The following GRIN2A variants were observed in gnomAD, a reference collection of about 807,000 sequenced individuals.
GRIN2A encodes glutamate ionotropic receptor NMDA type subunit 2A, also known as glutamate receptor ionotropic, NMDA 2A.
GRIN2A carries 22 observed loss-of-function variants against 113.4 expected under a neutral mutation model. The ratio of observed to expected loss-of-function variants is 0.19; its 90% CI spans 0.14 to 0.28. The LOEUF (loss-of-function observed/expected upper bound fraction) is 0.28, where lower values mean the gene tolerates loss of function less well. GRIN2A is among the 10% of genes least tolerant of loss of function. The pLI, the probability that GRIN2A is intolerant of heterozygous loss-of-function variation, is 1.00. For missense variants in GRIN2A, 1,502 were observed against 1,887.0 expected, an observed-to-expected ratio of 0.80 and a Z score of 3.78; for synonymous variants, 827 against 738.4, an observed-to-expected ratio of 1.12 and a Z score of -1.94.
chr16:9,964,455 C>G (rs2045510913), intron 2 of GRIN2A, among the ~76,000 whole-genome samples: 1 of 152,208 alleles, frequency 6.6e-6, no homozygotes, highest in Admixed American at 6.5e-5. Flanking sequence ...TTACCATCAA[C>G]TTGGCGGGGG....
At chr16:9,970,470 T>G (rs2045648480) in intron 2 of GRIN2A, among the ~76,000 whole-genome samples, 2 of 152,098 alleles carry the variant, frequency 1.3e-5, no homozygotes. Flanking sequence ...TGAAAGAAAG[T>G]GCTTTTGAGA....
chr16:9,971,649 T>G (rs2045671238), intron 2 of GRIN2A, among the ~76,000 whole-genome samples: 3 of 152,190 alleles, frequency 2.0e-5, no homozygotes, highest in South Asian at 4.1e-4. Flanking sequence ...CAGTCTAACT[T>G]TACCATAAAA....
chr16:9,890,686 G>A (rs2043675381), intron 4 of GRIN2A, among the ~76,000 whole-genome samples: 1 of 152,200 alleles, frequency 6.6e-6, no homozygotes, highest in Non-Finnish European at 1.5e-5. Context: ...ACTTATTAGT[G>A]TAATGCTGCA....
intron 3 of GRIN2A, among the ~76,000 whole-genome samples, chr16:9,909,260 G>T (rs969472733): frequency 8.5e-5 from 13 of 152,166 alleles, no homozygotes; most frequent in African/African-American, 2.7e-4. Context: ...CCGCCCCTAT[G>T]ATTCAATTAC....
chr16:9,899,068 A>G (rs539513390), intron 3 of GRIN2A, among the ~76,000 whole-genome samples: 1 of 152,098 alleles, frequency 6.6e-6, no homozygotes, highest in African/African-American at 2.4e-5. Flanking sequence ...TCAATTTCAT[A>G]TACAGTACTC....
At chr16:9,922,765 T>A (rs1243892493) in intron 3 of GRIN2A, among the ~76,000 whole-genome samples, 1 of 152,160 alleles carries the variant, frequency 6.6e-6, no homozygotes, top group Non-Finnish European at 1.5e-5. Context: ...TATTTAGAAG[T>A]TTGTTATTTA....
intron 3 of GRIN2A, among the ~76,000 whole-genome samples, chr16:9,908,659 T>C (rs2044073816): frequency 6.6e-6 from 1 of 152,206 alleles, no homozygotes; most frequent in African/African-American, 2.4e-5. Context: ...GCTGTTTTCT[T>C]ACACTTGATA....
intron 3 of GRIN2A, among the ~76,000 whole-genome samples, chr16:9,929,064 C>G (rs909924505): frequency 2.6e-5 from 4 of 152,234 alleles, no homozygotes; most frequent in Admixed American, 6.5e-5. Context: ...GTAACTCTTT[C>G]TCTCCAACAT....
In GRIN2A at chr16:9,829,615, T is replaced by C. The variant is rs986690961; in HGVS notation, c.1815A>G (p.Ile605Met). Residue 605 changes from isoleucine (I) to methionine (M), a missense_variant, in exon 9 of 13, where the codon ATA becomes ATG. Transcript: ENST00000330684. ...HGPSFTIGKA[I>M]WLLWGLVFNN... ...TGAACACCAGGCCCCAAAGAAGCCATATAGCTTTTCCAATTGTAAAAGAAG... is the reference window on the plus strand; with the variant it reads ...TGAACACCAGGCCCCAAAGAAGCCACATAGCTTTTCCAATTGTAAAAGAAG... 6 of 1,613,776 alleles carry C rather than the reference T, an allele frequency of 3.7e-6. No individual in the cohort carries two copies. Among genetic ancestry groups the C allele is most frequent in the Non-Finnish European group, 5.1e-6 (6 of 1,179,860 alleles).
In GRIN2A at chr16:9,759,665, C is replaced by T. The variant is rs1156282309; in HGVS notation, c.*3484G>A. On this transcript the variant is annotated 3_prime_UTR_variant, in exon 13 of 13. Coordinates refer to ENST00000330684, the MANE Select transcript of GRIN2A (RefSeq NM_001134407.3). ...AGGGAAGAGAAAATCAAGAGTAATCCGTGGATGCCCAGTCATGGTGCTGGC... is the reference window on the plus strand; with the variant it reads ...AGGGAAGAGAAAATCAAGAGTAATCTGTGGATGCCCAGTCATGGTGCTGGC... The T allele has an allele frequency of 2.2e-5, 5 of 229,862 alleles. No individual in the cohort carries two copies. Among genetic ancestry groups the T allele is most frequent in the Admixed American group, 5.7e-5 (1 of 17,668 alleles). 14.2% of individuals were successfully genotyped at this position (229,862 alleles called of 1,614,324 possible). A position where few individuals can be genotyped will look rare whatever the true frequency, so the allele number is the denominator to read the frequency against.
rs751221611 is a variant in GRIN2A, at chr16:9,763,527, T to C, written c.4017A>G (p.Lys1339=). 3.7e-6 allele frequency: 6 copies of C among 1,614,094 alleles called. No homozygotes were observed. The East Asian group carries it at 1.3e-4, about 36-fold the overall frequency. The change falls in exon 13 of 13, where the codon AAA becomes AAG. Residue 1339 remains lysine, a synonymous_variant. Transcript: ENST00000330684. ...GACCTTGGGGGAAAAGGGAGCTTTT[T>C]TTCCCCGAGAGTTTGCTTGAGGGGA... ...FSVPSSKLSG[K]KSSLFPQGLE...
chr16:9,870,151 C>T (rs1350554350), intron 4 of GRIN2A, among the ~76,000 whole-genome samples: 1 of 152,178 alleles, frequency 6.6e-6, no homozygotes, highest in East Asian at 1.9e-4. Flanking sequence ...TGCCAAAAGC[C>T]ACTTGGTGTT....
chr16:10,026,030 C>T (rs1344894729), intron 2 of GRIN2A, among the ~76,000 whole-genome samples: 2 of 152,198 alleles, frequency 1.3e-5, no homozygotes, highest in African/African-American at 2.4e-5. Flanking sequence ...CTGGCTACAT[C>T]ATCACTGTTC....
rs35352418 is a variant in GRIN2A at position 9,910,537 on chromosome 16, C to CTTTTTTT, written c.1008-19444_1008-19438dup. Among the ~76,000 whole-genome samples the CTTTTTTT allele has an allele frequency of 2.3e-4, 28 of 123,282 alleles. 2 individuals carry two copies. The highest frequency in any genetic ancestry group is 6.5e-4 in the African/African-American group (21 of 32,332). 80.9% of individuals were successfully genotyped at this position (123,282 alleles called of 152,430 possible). A position where few individuals can be genotyped will look rare whatever the true frequency, so the allele number is the denominator to read the frequency against. On this transcript the variant is annotated intron_variant, in intron 3 of 12. Coordinates refer to ENST00000330684, the MANE Select transcript of GRIN2A (RefSeq NM_001134407.3). ...GAGTCTCATATGAAGTCTCAGAGTT[C>CTTTTTTT]TTTTTTTTTTTTTTTTTTTTGAGAC... is the stretch of plus-strand genomic sequence containing the variant.
intron 11 of GRIN2A, among the ~76,000 whole-genome samples, chr16:9,781,858 T>C (rs1478754791): frequency 6.6e-6 from 1 of 152,160 alleles, no homozygotes; most frequent in Non-Finnish European, 1.5e-5. Context: ...TGGAAAATAA[T>C]GTAATGGTTT....
At chr16:9,836,751 G>C (rs976415005) in intron 7 of GRIN2A, among the ~76,000 whole-genome samples, 6 of 152,224 alleles carry the variant, frequency 3.9e-5, no homozygotes, top group African/African-American at 1.2e-4. Context: ...CATCGTTAAA[G>C]CAACATCTAT....
intron 3 of GRIN2A, among the ~76,000 whole-genome samples, chr16:9,930,461 A>G (rs1488072788): frequency 6.6e-6 from 1 of 152,166 alleles, no homozygotes; most frequent in Non-Finnish European, 1.5e-5. Context: ...GTTCCTCTGG[A>G]TTCTCTCACC....
At chr16:10,016,230 T>C (rs1455375910) in intron 2 of GRIN2A, among the ~76,000 whole-genome samples, 1 of 150,424 alleles carries the variant, frequency 6.6e-6, no homozygotes, top group Admixed American at 6.6e-5. Flanking sequence ...AATGGTGCAG[T>C]GGAGTGGGGG....
chr16:9,888,623 T>C (rs1375489550), intron 4 of GRIN2A, among the ~76,000 whole-genome samples: 1 of 152,008 alleles, frequency 6.6e-6, no homozygotes, highest in Non-Finnish European at 1.5e-5. Context: ...AAATAAGATA[T>C]AAGCTTATTT....
Sources: allele counts gnomAD v4.1 joint callset (sites outside exome capture counted in the v4.1 genomes callset), GRCh38; gene constraint gnomAD v4.1.1; transcripts MANE v1.5; gene names NCBI Gene and HGNC (gene_info 2026-07-23, HGNC 2026-07-21).